CYBB: variants seen among roughly 807,000 people sequenced by gnomAD.
CYBB encodes the protein NADPH oxidase 2.
Under a neutral mutation model 46.5 loss-of-function variants are expected in CYBB, and 5 were observed. The ratio of observed to expected loss-of-function variants is 0.11; its 90% CI spans 0.06 to 0.23. The LOEUF (loss-of-function observed/expected upper bound fraction) is 0.23, where lower values mean the gene tolerates loss of function less well. Among genes scored for constraint, CYBB ranks in the 10% least tolerant of loss-of-function variants. The pLI, the probability that CYBB is intolerant of heterozygous loss-of-function variation, is 1.00. For synonymous variants in CYBB, 183 were observed against 156.7 expected (o/e 1.17, Z -1.26); for missense variants, 307 against 428.3 (o/e 0.72, Z 2.50).
intron 3 of CYBB, among the ~76,000 whole-genome samples, chrX:37,789,660 A>AT (rs1386935613): frequency 8.9e-6 from 1 of 112,055 alleles, no homozygotes; most frequent in Non-Finnish European, 1.9e-5. Flanking sequence ...AACACAAAAG[A>AT]CAAGGAGGCT....
At chrX:37,805,537 T>C (rs1469088416) in intron 10 of CYBB, among the ~76,000 whole-genome samples, 1 of 111,988 alleles carries the variant, frequency 8.9e-6, no homozygotes, top group Non-Finnish European at 1.9e-5. Context: ...ATGTATAATT[T>C]CATGTCCTGC....
intron 5 of CYBB, among the ~76,000 whole-genome samples, chrX:37,795,638 T>A (rs1332266730): frequency 8.9e-6 from 1 of 111,905 alleles, no homozygotes; most frequent in African/African-American, 3.2e-5. Flanking sequence ...TAGGACATCC[T>A]GTAGTTGATT....
intron 11 of CYBB, among the ~76,000 whole-genome samples, chrX:37,806,777 C>T (rs1458136375): frequency 9.0e-6 from 1 of 111,045 alleles, no homozygotes; most frequent in Non-Finnish European, 1.9e-5. Flanking sequence ...GAGCAATTCT[C>T]CCACCAGGCA....
rs1929685235 is a variant in CYBB at position 37,811,949 on chromosome X, G to A, written c.*1032G>A. 1 of 111,595 alleles carries A rather than the reference G, an allele frequency of 9.0e-6. No homozygotes were observed. The highest frequency in any genetic ancestry group is 1.9e-5 in the Non-Finnish European group (1 of 53,112). The allele number at this position is 111,595 out of a possible 1,213,427, so 9.2% of individuals were successfully genotyped here. ...TGCAGACTAATTTCCTGCCCAAAGT[G>A]GTCTTCTCCAGCTAGCCCTTATGAA... On this transcript the variant is annotated 3_prime_UTR_variant, in exon 13 of 13. Transcript: ENST00000378588.
At chrX:37,789,639 C>CA (rs78961174) in intron 3 of CYBB, among the ~76,000 whole-genome samples, 22,591 of 110,499 alleles carry the variant, frequency 0.2, 1,920 homozygotes, top group African/African-American at 0.32. Context: ...TAATTTTCAG[C>CA]ACTTGTAATG....
chrX:37,802,656 G>T (rs1929469828), intron 8 of CYBB, among the ~76,000 whole-genome samples: 1 of 111,924 alleles, frequency 8.9e-6, no homozygotes. Context: ...AGAACAGAAG[G>T]GAAGTTTGTT....
rs1929626793 is a variant in CYBB at position 37,809,506 on chromosome X, A to G, written c.1462-61A>G. On this transcript the variant is annotated intron_variant, in intron 11 of 12. Transcript: ENST00000378588. ...AGAATAGCTTGTGAAGGATGTAAAT[A>G]CATTGTATGTGCTTTTACAGAATGT... 3.5e-6 allele frequency: 4 copies of G among 1,142,842 alleles called. No individual in the cohort carries two copies. The Admixed American group carries it at 1.0e-4, about 29-fold the overall frequency. 94.2% of individuals were successfully genotyped at this position (1,142,842 alleles called of 1,213,427 possible). A position where few individuals can be genotyped will look rare whatever the true frequency, so the allele number is the denominator to read the frequency against.
chrX:37,796,522 T>C (rs1929310446), intron 6 of CYBB, among the ~76,000 whole-genome samples: 1 of 111,546 alleles, frequency 9.0e-6, no homozygotes, highest in Non-Finnish European at 1.9e-5. Context: ...GATTAATCAG[T>C]TGAAGAGGTT....
At chrX:37,783,275 A>T (rs1928992135) in intron 2 of CYBB, among the ~76,000 whole-genome samples, 1 of 111,979 alleles carries the variant, frequency 8.9e-6, no homozygotes, top group Non-Finnish European at 1.9e-5. Flanking sequence ...CATTTTAATA[A>T]TAAAATGTTG....
rs1341687727 is a variant in CYBB, at chrX:37,809,408, T to G, written c.1462-159T>G. Among the ~76,000 whole-genome samples, 13 of 112,508 alleles carry G rather than the reference T, an allele frequency of 1.2e-4. No homozygotes were observed. In the Admixed American group the frequency reaches 1.2e-3, roughly 11 times the overall value. ...TACTTCGAAGTCTCCCTTTCTAGAC[T>G]GTAAATTGCTTGAGAGAGATCCAGT... On this transcript the variant is annotated intron_variant, in intron 11 of 12. Coordinates refer to ENST00000378588, the MANE Select transcript of CYBB (RefSeq NM_000397.4).
chrX:37,810,143 T>C (rs1383270749), intron 12 of CYBB, among the ~76,000 whole-genome samples: 2 of 112,219 alleles, frequency 1.8e-5, no homozygotes, highest in East Asian at 5.6e-4. Flanking sequence ...ACTAAAACTT[T>C]AGTCATTATA....
At chrX:37,803,117 G>A (rs147696455) in intron 8 of CYBB, among the ~76,000 whole-genome samples, 236 of 111,584 alleles carry the variant, frequency 2.1e-3, no homozygotes, top group African/African-American at 7.1e-3. Flanking sequence ...TAGAAATAAC[G>A]CATGGAATCA....
At chrX:37,801,637 TG>T (rs1929446006) in intron 8 of CYBB, among the ~76,000 whole-genome samples, 1 of 108,593 alleles carries the variant, frequency 9.2e-6, no homozygotes, top group African/African-American at 3.4e-5. Flanking sequence ...TGTTTGTGTC[TG>T]TGTGTCTGTG....
chrX:37,792,825 T>C (rs1243597075), intron 4 of CYBB, among the ~76,000 whole-genome samples: 6 of 110,967 alleles, frequency 5.4e-5, no homozygotes, highest in Non-Finnish European at 1.1e-4. Context: ...CAGGCTTTTT[T>C]AGCAGTGGCA....
At chrX:37,791,093 C>A (rs1397553264) in intron 3 of CYBB, among the ~76,000 whole-genome samples, 2 of 111,399 alleles carry the variant, frequency 1.8e-5, no homozygotes, top group Non-Finnish European at 3.8e-5. Flanking sequence ...CAAAGGAAAT[C>A]ATGTAAAGTA....
chrX:37,798,216 C>A (rs921039738), intron 6 of CYBB: 1 of 111,811 alleles, frequency 8.9e-6, no homozygotes, highest in African/African-American at 3.2e-5. Context: ...GTCTACTCAA[C>A]GTTGGGCCTT....
chrX:37,785,301 C>T (rs1328203599), intron 3 of CYBB, among the ~76,000 whole-genome samples: 1 of 112,136 alleles, frequency 8.9e-6, no homozygotes, highest in Non-Finnish European at 1.9e-5. Flanking sequence ...GGTTCCTTTC[C>T]TTAAGCCATA....
intron 1 of CYBB, among the ~76,000 whole-genome samples, chrX:37,781,471 C>T: frequency 8.9e-6 from 1 of 112,277 alleles, no homozygotes; most frequent in East Asian, 2.8e-4. Context: ...GGTAGTGTGA[C>T]CACTTGATCC....
At chrX:37,790,542 A>G (rs1170326165) in intron 3 of CYBB, among the ~76,000 whole-genome samples, 6 of 111,851 alleles carry the variant, frequency 5.4e-5, no homozygotes, top group Non-Finnish European at 7.5e-5. Context: ...GGAATTCAAT[A>G]AAGCATAATT....
Sources: allele counts gnomAD v4.1 joint callset (sites outside exome capture counted in the v4.1 genomes callset), GRCh38; gene constraint gnomAD v4.1.1; transcripts MANE v1.5; gene names NCBI Gene and HGNC (gene_info 2026-07-23, HGNC 2026-07-21).